Variants in RGS7 observed in about 807,000 individuals in gnomAD.
RGS7 encodes the protein regulator of G-protein signaling 7.
Under a neutral mutation model 81.1 loss-of-function variants are expected in RGS7, and 27 were observed. The ratio of observed to expected loss-of-function variants is 0.33; its 90% confidence interval spans 0.25 to 0.46. RGS7 has a LOEUF of 0.46. RGS7 is among the 20% of genes least tolerant of loss of function. The pLI is 1.00. For missense variants in RGS7, 396 were observed against 607.4 expected, an observed-to-expected ratio of 0.65 and a Z score of 3.66; for synonymous variants, 208 against 207.7, an observed-to-expected ratio of 1.00 and a Z score of -0.01.
chr1:240,811,652 A>G (rs1270271554), intron 14 of RGS7, among the ~76,000 whole-genome samples: 1 of 152,246 alleles, frequency 6.6e-6, no homozygotes, highest in African/African-American at 2.4e-5. Context: ...ATTTCTTTAC[A>G]GAGTCCATTT....
intron 2 of RGS7, among the ~76,000 whole-genome samples, chr1:241,133,122 T>C (rs2067239109): frequency 2.0e-5 from 3 of 152,148 alleles, no homozygotes; most frequent in Non-Finnish European, 2.9e-5. Context: ...AATTGTGATA[T>C]AATTGTATTG....
At chr1:240,919,710 G>A in intron 6 of RGS7, 1 of 608,296 alleles carries the variant, frequency 1.6e-6, no homozygotes, top group Admixed American at 2.8e-5. Flanking sequence ...TTCATTGGAG[G>A]GCTGAGCTTT....
intron 3 of RGS7, among the ~76,000 whole-genome samples, chr1:241,029,982 T>C (rs1221193772): frequency 6.6e-6 from 1 of 152,216 alleles, no homozygotes; most frequent in Non-Finnish European, 1.5e-5. Context: ...ATGACGGTTC[T>C]GCAGTTTTTC....
At chr1:241,321,932 T>C (rs981246747) in intron 2 of RGS7, among the ~76,000 whole-genome samples, 2 of 152,166 alleles carry the variant, frequency 1.3e-5, no homozygotes, top group Non-Finnish European at 2.9e-5. Flanking sequence ...ATTAACCACA[T>C]GTCCCTTGCA....
chr1:240,804,612 T>C (rs1401794109), intron 15 of RGS7, among the ~76,000 whole-genome samples: 1 of 152,154 alleles, frequency 6.6e-6, no homozygotes, highest in Admixed American at 6.5e-5. Flanking sequence ...TAAAAAAAAT[T>C]CTATTTTAAA....
In RGS7 at chr1:241,356,785, G is replaced by GCCGCCCTGCGC. The variant is rs1309055104; in HGVS notation, c.-51+103_-51+113dup. On this transcript the variant is annotated intron_variant, in intron 1 of 18. Transcript: ENST00000440928. The stretch of plus-strand genomic sequence containing the variant: ...CCCCGGCGCGGGGCTCCCGGGGGCG[G>GCCGCCCTGCGC]CCGCCCTGCGCCCGCGGACGCTCCC... The GCCGCCCTGCGC allele has an allele frequency of 6.0e-5, 9 of 149,552 alleles. No homozygotes were observed. The South Asian group carries it at 1.7e-3, about 28-fold the overall frequency. 9.3% of individuals were successfully genotyped at this position (149,552 alleles called of 1,614,324 possible).
chr1:241,101,232 A>G (rs530758626), intron 2 of RGS7, among the ~76,000 whole-genome samples: 1 of 152,336 alleles, frequency 6.6e-6, no homozygotes, highest in African/African-American at 2.4e-5. Context: ...ACGGTGGCTC[A>G]CGCCTGTAAT....
At chr1:240,828,316 G>C (rs1446892127) in intron 9 of RGS7, among the ~76,000 whole-genome samples, 2 of 152,098 alleles carry the variant, frequency 1.3e-5, no homozygotes, top group South Asian at 2.1e-4. Context: ...GGAAGAAGAG[G>C]GGAAGGGAGA....
chr1:241,339,105 G>T (rs909841111), intron 2 of RGS7, among the ~76,000 whole-genome samples: 2 of 152,004 alleles, frequency 1.3e-5, no homozygotes, highest in Non-Finnish European at 2.9e-5. Context: ...TGTTCTCATT[G>T]TTCAGTCCCA....
At chr1:241,053,340 C>T (rs776778357) in intron 3 of RGS7, among the ~76,000 whole-genome samples, 6 of 152,120 alleles carry the variant, frequency 3.9e-5, no homozygotes, top group Non-Finnish European at 8.8e-5. Flanking sequence ...TTTATCGTGG[C>T]CTTGTAGATC....
chr1:241,149,174 CT>C (rs566806766), intron 2 of RGS7, among the ~76,000 whole-genome samples: 4 of 151,358 alleles, frequency 2.6e-5, no homozygotes, highest in East Asian at 3.9e-4. Flanking sequence ...AGCATTTTCT[CT>C]TTTTTTTTGA....
intron 3 of RGS7, among the ~76,000 whole-genome samples, chr1:241,062,089 C>T (rs975742824): frequency 1.3e-5 from 2 of 152,172 alleles, no homozygotes; most frequent in African/African-American, 4.8e-5. Context: ...CTTTCAAAAC[C>T]TTATTCAAAA....
intron 3 of RGS7, among the ~76,000 whole-genome samples, chr1:241,079,789 A>G (rs2148892598): frequency 6.6e-6 from 1 of 152,188 alleles, no homozygotes; most frequent in African/African-American, 2.4e-5. Context: ...TAATGCATTA[A>G]TTCAAAGAGA....
At chr1:240,836,088 T>C (rs1694684221) in intron 9 of RGS7, among the ~76,000 whole-genome samples, 1 of 139,870 alleles carries the variant, frequency 7.1e-6, no homozygotes, top group Non-Finnish European at 1.5e-5. Flanking sequence ...GTGCAGGTGA[T>C]AATGATATAT....
intron 2 of RGS7, among the ~76,000 whole-genome samples, chr1:241,119,428 T>C (rs1157580485): frequency 6.6e-6 from 1 of 152,202 alleles, no homozygotes; most frequent in Non-Finnish European, 1.5e-5. Flanking sequence ...TCTGCTACTA[T>C]ACCAAAACTC....
chr1:241,159,238 T>G (rs2069431886), intron 2 of RGS7, among the ~76,000 whole-genome samples: 2 of 152,246 alleles, frequency 1.3e-5, no homozygotes, highest in Non-Finnish European at 2.9e-5. Flanking sequence ...GAATCTTACC[T>G]GATCTGTTCA....
intron 10 of RGS7, among the ~76,000 whole-genome samples, chr1:240,817,305 C>A (rs1418641965): frequency 6.6e-6 from 1 of 152,174 alleles, no homozygotes; most frequent in East Asian, 1.9e-4. Context: ...TGGATATGAG[C>A]AAGAAGGATG....
intron 4 of RGS7, among the ~76,000 whole-genome samples, chr1:240,968,953 A>G (rs1682766952): frequency 6.6e-6 from 1 of 152,224 alleles, no homozygotes; most frequent in Admixed American, 6.5e-5. Flanking sequence ...CTGGGAAATA[A>G]GAAATACCGC....
intron 6 of RGS7, chr1:240,919,581 T>TAA: frequency 4.4e-6 from 1 of 229,822 alleles, no homozygotes; most frequent in Non-Finnish European, 8.5e-6. Context: ...CCCAACTTGA[T>TAA]AAAAAAAAAT....
Sources: gnomAD v4.1 joint callset for allele counts (sites outside exome capture counted in the v4.1 genomes callset) on GRCh38, gnomAD v4.1.1 for gene constraint, MANE v1.5 for transcripts, NCBI Gene and HGNC (gene_info 2026-07-23, HGNC 2026-07-21) for gene names.